Variants in USP46 observed in about 807,000 individuals in gnomAD.
USP46 encodes ubiquitin specific peptidase 46.
USP46 carries 12 observed loss-of-function variants against 44.4 expected under a neutral mutation model. The observed-to-expected ratio is 0.27, with a 90% confidence interval of 0.17 to 0.44. The LOEUF is 0.44. USP46 is among the 20% of genes least tolerant of loss of function. The pLI is 1.00. For synonymous variants in USP46, 155 were observed against 161.5 expected, an observed-to-expected ratio of 0.96 and a Z score of 0.31; for missense variants, 248 against 444.8, an observed-to-expected ratio of 0.56 and a Z score of 3.98.
intron 2 of USP46, among the ~76,000 whole-genome samples, chr4:52,630,773 C>A (rs1717794003): frequency 6.7e-6 from 1 of 149,604 alleles, no homozygotes. Context: ...TCAGATTTGG[C>A]TACAAAGACT....
intron 4 of USP46, among the ~76,000 whole-genome samples, chr4:52,614,024 A>G (rs1247062042): frequency 6.6e-6 from 1 of 152,218 alleles, no homozygotes; most frequent in Non-Finnish European, 1.5e-5. Context: ...AATCAAATAG[A>G]AATTCTGGAA....
chr4:52,628,738 C>T (rs561580448), intron 2 of USP46, among the ~76,000 whole-genome samples: 8 of 152,320 alleles, frequency 5.3e-5, no homozygotes, highest in African/African-American at 7.2e-5. Flanking sequence ...AACACAGCAA[C>T]GCAGGCAAAA....
chr4:52,612,420 G>GTC (rs1716969850), intron 4 of USP46, among the ~76,000 whole-genome samples: 1 of 152,148 alleles, frequency 6.6e-6, no homozygotes, highest in African/African-American at 2.4e-5. Context: ...TGGCTTCACA[G>GTC]ATACTCTCAT....
chr4:52,653,336 T>C (rs1424693467), intron 1 of USP46, among the ~76,000 whole-genome samples: 1 of 151,758 alleles, frequency 6.6e-6, no homozygotes, highest in African/African-American at 2.4e-5. Context: ...TGAAACCCTA[T>C]CTCTACTAAA....
Position 52,622,921 on chromosome 4 carries a change from C to A in USP46, c.561+3097G>T, listed in dbSNP as rs1197071525. On this transcript the variant is annotated intron_variant, in intron 4 of 8. Transcript: ENST00000441222. ...TAAGAAACAGAATGGCAAAGATGAC[C>A]CTGCAGAGACAGACAGAGCCAGCTT... Among the ~76,000 whole-genome samples the A allele has an allele frequency of 2.0e-5, 3 of 152,160 alleles. No individual in the cohort carries two copies. In the East Asian group the frequency reaches 5.8e-4, roughly 29 times the overall value.
chr4:52,598,765 CTACTTAGCTCTTTAT>C, intron 7 of USP46, 59 bp from the exon 8 acceptor site: 1 of 1,473,820 alleles, frequency 6.8e-7, no homozygotes, highest in Non-Finnish European at 9.3e-7. Flanking sequence ...TTATAAAACT[CTACTTAGCTCTTTAT>C]AAGCAGTGAT....
At chr4:52,605,165 T>C (rs1231508481) in intron 5 of USP46, among the ~76,000 whole-genome samples, 2 of 152,218 alleles carry the variant, frequency 1.3e-5, no homozygotes, top group African/African-American at 4.8e-5. Flanking sequence ...AAAGAAATCC[T>C]GAATTAATCA....
chr4:52,620,228 A>T (rs1445524795), intron 4 of USP46, among the ~76,000 whole-genome samples: 2 of 152,160 alleles, frequency 1.3e-5, no homozygotes, highest in African/African-American at 2.4e-5. Flanking sequence ...CAACAACAAC[A>T]ACTACAGATG....
chr4:52,594,499 A>G lies in USP46; in HGVS notation c.*3141T>C, dbSNP rs1716148901. On this transcript the variant is annotated 3_prime_UTR_variant, in exon 9 of 9. Coordinates refer to ENST00000441222, the MANE Select transcript of USP46 (RefSeq NM_022832.4). ...TGACCCATGCCACTTACATGAGTTC[A>G]TTACAATAGTGCTGATAAATGCCTT... 1 of 152,252 alleles carries G rather than the reference A, an allele frequency of 6.6e-6. No individual in the cohort carries two copies. Among genetic ancestry groups the G allele is most frequent in the Non-Finnish European group, 1.5e-5 (1 of 68,050 alleles). The allele number at this position is 152,252 out of a possible 1,614,324, so 9.4% of individuals were successfully genotyped here. A position where few individuals can be genotyped will look rare whatever the true frequency, so the allele number is the denominator to read the frequency against.
chr4:52,609,225 G>A (rs1716820782), intron 5 of USP46, among the ~76,000 whole-genome samples: 1 of 152,104 alleles, frequency 6.6e-6, no homozygotes, highest in Non-Finnish European at 1.5e-5. Context: ...CAAAAGTTCA[G>A]TCACCAACTA....
At chr4:52,618,209 C>T (rs1187693578) in intron 4 of USP46, among the ~76,000 whole-genome samples, 3 of 151,970 alleles carry the variant, frequency 2.0e-5, no homozygotes, top group Non-Finnish European at 4.4e-5. Flanking sequence ...CATAGTGAGG[C>T]CCAGACTCTA....
chr4:52,654,916 A>G (rs1428242659), intron 1 of USP46, among the ~76,000 whole-genome samples: 1 of 152,178 alleles, frequency 6.6e-6, no homozygotes, highest in Admixed American at 6.5e-5. Flanking sequence ...ATGACCAAAA[A>G]CAGAAAATCA....
chr4:52,656,357 G>C, intron 1 of USP46: 10 of 1,436,454 alleles, frequency 7.0e-6, no homozygotes, highest in Non-Finnish European at 9.3e-6. Context: ...ATTTACGTCT[G>C]ATCCAGTGAA....
Position 52,596,325 on chromosome 4 carries a change from G to A in USP46, c.*1315C>T, listed in dbSNP as rs1716237641. 1 of 152,616 alleles carries A rather than the reference G, an allele frequency of 6.6e-6. No individual in the cohort carries two copies. Among genetic ancestry groups the A allele is most frequent in the Admixed American group, 6.5e-5 (1 of 15,278 alleles). 9.5% of individuals were successfully genotyped at this position (152,616 alleles called of 1,614,324 possible). A position where few individuals can be genotyped will look rare whatever the true frequency, so the allele number is the denominator to read the frequency against. ...GCTTCTAAAGGAAGCCAAGATCTAT[G>A]ACTCAAAAACCAGCTCAACAGCAAA... On this transcript the variant is annotated 3_prime_UTR_variant, in exon 9 of 9. Transcript: ENST00000441222.
intron 6 of USP46, among the ~76,000 whole-genome samples, chr4:52,603,103 A>C (rs1445421379): frequency 6.6e-6 from 1 of 152,272 alleles, no homozygotes; most frequent in Non-Finnish European, 1.5e-5. Context: ...GTTCATATAA[A>C]TAAGCAAGTA....
At chr4:52,601,812 AC>A in intron 7 of USP46, 44 bp downstream of exon 7, 6 of 1,568,888 alleles carry the variant, frequency 3.8e-6, no homozygotes, top group Non-Finnish European at 5.2e-6. Flanking sequence ...CGAAGAGGCA[AC>A]CCTTACACTT....
At chr4:52,650,532 T>G (rs922092384) in intron 1 of USP46, among the ~76,000 whole-genome samples, 1 of 152,192 alleles carries the variant, frequency 6.6e-6, no homozygotes, top group Non-Finnish European at 1.5e-5. Context: ...TAAAAGAGTC[T>G]AAAAAGAGTT....
chr4:52,641,437 A>G (rs1392046288), intron 1 of USP46, among the ~76,000 whole-genome samples: 1 of 152,336 alleles, frequency 6.6e-6, no homozygotes, highest in African/African-American at 2.4e-5. Flanking sequence ...AACACAAACA[A>G]CAATAACAAA....
At chr4:52,635,924 G>A (rs1577687102) in intron 1 of USP46, among the ~76,000 whole-genome samples, 2 of 152,314 alleles carry the variant, frequency 1.3e-5, no homozygotes, top group East Asian at 3.9e-4. Flanking sequence ...GAAGTTGAGT[G>A]ATGGGTGTGT....
Sources: allele counts gnomAD v4.1 joint callset (sites outside exome capture counted in the v4.1 genomes callset), GRCh38; gene constraint gnomAD v4.1.1; transcripts MANE v1.5; gene names NCBI Gene and HGNC (gene_info 2026-07-23, HGNC 2026-07-21).